PRDM11: variants seen among roughly 807,000 people sequenced by gnomAD.
PRDM11 encodes the protein PR domain-containing protein 11.
A neutral mutation model predicts 97.8 loss-of-function variants in PRDM11; 20 were observed. The observed-to-expected ratio is 0.20, with a 90% CI of 0.14 to 0.30. The LOEUF (loss-of-function observed/expected upper bound fraction) is 0.30. Ranked by LOEUF, PRDM11 falls within the 10% of genes least tolerant of loss-of-function variation. The pLI is 1.00. For synonymous variants in PRDM11, 599 were observed against 637.7 expected (o/e 0.94, Z 0.91); for missense variants, 1,139 against 1,555.2 (o/e 0.73, Z 4.50).
At position 45,228,320 on chromosome 11, in the gene PRDM11, C is replaced by T; in HGVS notation, c.*161C>T. 1 of 233,362 alleles carries T rather than the reference C, an allele frequency of 4.3e-6. No homozygotes were observed. The allele number at this position is 233,362 out of a possible 1,614,324, so 14.5% of individuals were successfully genotyped here. A position where few individuals can be genotyped will look rare whatever the true frequency, so the allele number is the denominator to read the frequency against. On this transcript the variant is annotated 3_prime_UTR_variant, in exon 8 of 8. Coordinates refer to ENST00000683152, the MANE Select transcript of PRDM11 (RefSeq NM_001384648.1). ...TGAAAATTTTTAAAAACCAAGGTGA[C>T]GCGTCCACCAGAAGCCACTGGGAGA...
At chr11:45,104,404 G>A (rs546599330) in intron 1 of PRDM11, among the ~76,000 whole-genome samples, 1 of 152,246 alleles carries the variant, frequency 6.6e-6, no homozygotes, top group South Asian at 2.1e-4. Context: ...CATGGGGGTC[G>A]GGTTTCTCAT....
At chr11:45,125,859 C>G (rs958877482) in intron 1 of PRDM11, among the ~76,000 whole-genome samples, 1 of 152,128 alleles carries the variant, frequency 6.6e-6, no homozygotes, top group Admixed American at 6.6e-5. Context: ...ATTAGGTCCG[C>G]TTGGTGTGGA....
chr11:45,157,001 C>T (rs927910117), intron 1 of PRDM11, among the ~76,000 whole-genome samples: 4 of 151,476 alleles, frequency 2.6e-5, no homozygotes, highest in Non-Finnish European at 5.9e-5. Flanking sequence ...AGGGCCAGGC[C>T]GGGAGGGCCT....
At chr11:45,225,918 G>A in intron 7 of PRDM11, 77 bp from the exon 8 acceptor site, 1 of 1,427,326 alleles carries the variant, frequency 7.0e-7, no homozygotes, top group African/African-American at 1.4e-5. Context: ...CTACCTTCCA[G>A]GAGTGTTTCC....
intron 1 of PRDM11, among the ~76,000 whole-genome samples, chr11:45,170,539 G>C (rs1251541676): frequency 6.6e-6 from 1 of 152,182 alleles, no homozygotes; most frequent in Non-Finnish European, 1.5e-5. Flanking sequence ...GTTGGAGGCA[G>C]AGCAGGGCAG....
chr11:45,175,590 T>C (rs1852309287), intron 1 of PRDM11, among the ~76,000 whole-genome samples: 1 of 152,240 alleles, frequency 6.6e-6, no homozygotes, highest in African/African-American at 2.4e-5. Context: ...TCTTTCCTAT[T>C]TTTTGCTTTT....
chr11:45,150,321 A>G (rs1262298506), intron 1 of PRDM11, among the ~76,000 whole-genome samples: 1 of 152,110 alleles, frequency 6.6e-6, no homozygotes, highest in African/African-American at 2.4e-5. Flanking sequence ...ACTCACATCC[A>G]TAGCAATTTC....
chr11:45,138,126 C>T (rs1361885357), intron 1 of PRDM11, among the ~76,000 whole-genome samples: 4 of 152,072 alleles, frequency 2.6e-5, no homozygotes, highest in Non-Finnish European at 5.9e-5. Flanking sequence ...GAAAACGCAG[C>T]CAAGGATCAC....
At chr11:45,139,224 T>A (rs1426717331) in intron 1 of PRDM11, among the ~76,000 whole-genome samples, 1 of 152,156 alleles carries the variant, frequency 6.6e-6, no homozygotes, top group Non-Finnish European at 1.5e-5. Context: ...CAATGAGAAC[T>A]GACACAGGCA....
intron 1 of PRDM11, among the ~76,000 whole-genome samples, chr11:45,157,239 G>A (rs1320207661): frequency 3.3e-5 from 5 of 152,104 alleles, no homozygotes; most frequent in Admixed American, 6.5e-5. Flanking sequence ...GGACGGGGTC[G>A]GGGAGGATGG....
At chr11:45,148,073 T>G (rs1851567092) in intron 1 of PRDM11, among the ~76,000 whole-genome samples, 1 of 151,832 alleles carries the variant, frequency 6.6e-6, no homozygotes, top group East Asian at 1.9e-4. Flanking sequence ...TTGTTGGAGG[T>G]GTAGGGTCGT....
upstream of PRDM11, among the ~76,000 whole-genome samples, chr11:45,142,792 TCAGAA>T (rs1565257805): frequency 6.6e-6 from 1 of 152,144 alleles, no homozygotes; most frequent in African/African-American, 2.4e-5. Context: ...ATGGACAAGA[TCAGAA>T]CAGAACTGTG....
chr11:45,099,240 C>G (rs1157370261), intron 1 of PRDM11, among the ~76,000 whole-genome samples: 1 of 151,934 alleles, frequency 6.6e-6, no homozygotes, highest in African/African-American at 2.4e-5. Flanking sequence ...ATTGCCTGAG[C>G]TCAGGAATTC....
chr11:45,183,978 A>G (rs1852612628), intron 4 of PRDM11, among the ~76,000 whole-genome samples: 1 of 152,252 alleles, frequency 6.6e-6, no homozygotes, highest in Non-Finnish European at 1.5e-5. Context: ...ATCCATGTCA[A>G]ATAATAACTC....
At chr11:45,151,095 C>T (rs907581303) in intron 1 of PRDM11, among the ~76,000 whole-genome samples, 3 of 152,256 alleles carry the variant, frequency 2.0e-5, no homozygotes, top group Admixed American at 6.5e-5. Context: ...CATGGGAGAG[C>T]GGGCCTCCAG....
intron 1 of PRDM11, among the ~76,000 whole-genome samples, chr11:45,148,467 A>C (rs1851578630): frequency 6.6e-6 from 1 of 152,146 alleles, no homozygotes; most frequent in Non-Finnish European, 1.5e-5. Context: ...GGAATATCAG[A>C]ATTGCCCCCA....
chr11:45,227,324 G>T lies in PRDM11; in HGVS notation c.2699G>T (p.Gly900Val). 6.5e-7 allele frequency: 1 copy of T among 1,533,988 alleles called. No individual in the cohort carries two copies. The highest frequency in any genetic ancestry group is 8.7e-7 in the Non-Finnish European group (1 of 1,146,734). The change falls in exon 8 of 8, where the codon GGC becomes GTC. Residue 900 changes from glycine to valine, a missense_variant. By Grantham distance (109) the Gly-to-Val change is moderately radical (BLOSUM62 -3). Coordinates refer to ENST00000683152, the MANE Select transcript of PRDM11 (RefSeq NM_001384648.1). This position sits in a 1 kb window ranked among gnomAD's most constrained non-coding sequence, Gnocchi z 8.0. ...VLSRLAYIFQ[G>V]EYLLVSQVDD... Reference sequence around the variant, plus strand: ...TCGCGTCTGGCCTACATCTTCCAGGGCGAGTACCTGCTGGTGTCCCAGGTG... The same window carrying T: ...TCGCGTCTGGCCTACATCTTCCAGGTCGAGTACCTGCTGGTGTCCCAGGTG...
chr11:45,198,161 CA>C (rs2135780845), intron 4 of PRDM11, among the ~76,000 whole-genome samples: 1 of 152,338 alleles, frequency 6.6e-6, no homozygotes, highest in South Asian at 2.1e-4. Context: ...CCAATGTTCA[CA>C]AAATGTTGCA....
At chr11:45,125,993 C>A (rs1462152743) in intron 1 of PRDM11, among the ~76,000 whole-genome samples, 3 of 152,184 alleles carry the variant, frequency 2.0e-5, no homozygotes, top group Non-Finnish European at 4.4e-5. Context: ...TTGTAGTTCA[C>A]TCAGGACTTG....
Sources: gnomAD v4.1 joint callset for allele counts (sites outside exome capture counted in the v4.1 genomes callset) on GRCh38, gnomAD v4.1.1 for gene constraint, Gnocchi (gnomAD v3.1) non-coding constraint, MANE v1.5 for transcripts, NCBI Gene and HGNC (gene_info 2026-07-23, HGNC 2026-07-21) for gene names.